The following KAZN variants were observed in gnomAD, a reference collection of about 807,000 sequenced individuals.
KAZN encodes the protein kazrin.
Under a neutral mutation model 87.4 loss-of-function variants are expected in KAZN, and 40 were observed. That is an observed-to-expected ratio of 0.46 (90% CI 0.36 to 0.60). The LOEUF (loss-of-function observed/expected upper bound fraction) is 0.60. Among genes scored for constraint, KAZN ranks in the 20% least tolerant of loss-of-function variants. KAZN has a pLI of 0.00. For synonymous variants in KAZN, 466 were observed against 458.3 expected, an observed-to-expected ratio of 1.02 and a Z score of -0.22; for missense variants, 898 against 1,073.9, an observed-to-expected ratio of 0.84 and a Z score of 2.29.
chr1:15,027,659 C>T (rs1043281176), intron 2 of KAZN, among the ~76,000 whole-genome samples: 11 of 152,238 alleles, frequency 7.2e-5, no homozygotes, highest in Non-Finnish European at 1.6e-4. Flanking sequence ...AGGAACATTG[C>T]ATGGAAAAGA....
intron 1 of KAZN, among the ~76,000 whole-genome samples, chr1:14,801,059 A>C (rs981487517): frequency 2.0e-5 from 3 of 151,962 alleles, no homozygotes; most frequent in Non-Finnish European, 4.4e-5. Flanking sequence ...AAAAAAAAAA[A>C]AAAGAAATAC....
intron 2 of KAZN, among the ~76,000 whole-genome samples, chr1:14,382,232 C>T (rs1661425926): frequency 6.6e-6 from 1 of 152,164 alleles, no homozygotes; most frequent in Admixed American, 6.5e-5. Context: ...AATGTCCATA[C>T]TACCCAATGC....
chr1:14,116,934 T>C (rs1644635841), intron 1 of KAZN, among the ~76,000 whole-genome samples: 1 of 152,242 alleles, frequency 6.6e-6, no homozygotes, highest in African/African-American at 2.4e-5. Context: ...GATTTTGGAC[T>C]TGCATGGAGC....
chr1:13,894,315 G>A (rs1194281851), intron 1 of KAZN, among the ~76,000 whole-genome samples: 2 of 152,064 alleles, frequency 1.3e-5, no homozygotes, highest in African/African-American at 4.8e-5. Flanking sequence ...AATGGCTCAC[G>A]TTTTATACAG....
chr1:14,235,518 T>G (rs1449077211), intron 2 of KAZN, among the ~76,000 whole-genome samples: 1 of 152,178 alleles, frequency 6.6e-6, no homozygotes, highest in African/African-American at 2.4e-5. Flanking sequence ...AAAAAGAAGC[T>G]TCTAAAATGG....
rs540515715 is a variant in KAZN, at chr1:13,933,423, C to T, written c.91+39667C>T. Among the ~76,000 whole-genome samples the T allele has an allele frequency of 2.7e-3, 413 of 152,152 alleles. 2 individuals carry two copies. The highest frequency in any genetic ancestry group is 8.9e-3 in the African/African-American group (369 of 41,508). ...AGGAGAATTGCTTGAACCCGGGAGA[C>T]GGAGGTTGTGGCGAGCCGAGATCAC... On this transcript the variant is annotated intron_variant, in intron 1 of 16. Coordinates refer to the KAZN transcript ENST00000636203.
intron 2 of KAZN, among the ~76,000 whole-genome samples, chr1:14,248,349 T>C (rs1047404883): frequency 1.3e-5 from 2 of 152,216 alleles, no homozygotes; most frequent in African/African-American, 4.8e-5. Flanking sequence ...ACTAAACATA[T>C]ATTTGTTAGC....
chr1:14,089,441 C>T (rs1643924483), intron 1 of KAZN, among the ~76,000 whole-genome samples: 3 of 151,656 alleles, frequency 2.0e-5, no homozygotes, highest in African/African-American at 7.3e-5. Flanking sequence ...GCTTATTAGC[C>T]ATTCATCATT....
intron 2 of KAZN, among the ~76,000 whole-genome samples, chr1:14,525,749 A>G (rs543125620): frequency 6.6e-6 from 1 of 152,372 alleles, no homozygotes; most frequent in South Asian, 2.1e-4. Flanking sequence ...CAATCCATAA[A>G]GAATCAAAAT....
At chr1:14,128,646 G>A (rs1019774730) in intron 1 of KAZN, among the ~76,000 whole-genome samples, 1 of 152,082 alleles carries the variant, frequency 6.6e-6, no homozygotes, top group South Asian at 2.1e-4. Flanking sequence ...ATTTTCTCTT[G>A]AAAGCCCCTA....
intron 2 of KAZN, among the ~76,000 whole-genome samples, chr1:14,984,898 G>A (rs1423870895): frequency 6.6e-6 from 1 of 152,228 alleles, no homozygotes; most frequent in African/African-American, 2.4e-5. Flanking sequence ...AGCACTTTGG[G>A]AGGCCAAGGC....
chr1:14,238,464 C>T lies in KAZN; in HGVS notation c.249+57872C>T, dbSNP rs572860442. On this transcript the variant is annotated intron_variant, in intron 2 of 16. Transcript: ENST00000636203. Reference sequence around the variant, plus strand: ...CCAAGTGAATTCAGTTAACAGGAGTCATTTGGGACTGGGTTGGGTGGGTTA... The same window carrying T: ...CCAAGTGAATTCAGTTAACAGGAGTTATTTGGGACTGGGTTGGGTGGGTTA... 5.9e-5 allele frequency among the ~76,000 whole-genome samples: 9 copies of T among 152,268 alleles called. No homozygotes were observed. The South Asian group carries it at 1.7e-3, about 28-fold the overall frequency.
intron 2 of KAZN, among the ~76,000 whole-genome samples, chr1:14,265,932 T>C (rs563104237): frequency 6.6e-6 from 1 of 152,340 alleles, no homozygotes; most frequent in African/African-American, 2.4e-5. Context: ...CTGCCAAGTG[T>C]TTCAGATTGG....
intron 1 of KAZN, among the ~76,000 whole-genome samples, chr1:14,721,295 A>G (rs1213106387): frequency 1.3e-5 from 2 of 152,190 alleles, no homozygotes; most frequent in Non-Finnish European, 2.9e-5. Flanking sequence ...TGGTTTTATC[A>G]GAGGCTTTTC....
intron 1 of KAZN, among the ~76,000 whole-genome samples, chr1:14,781,072 C>T (rs1190945138): frequency 2.0e-5 from 3 of 152,258 alleles, no homozygotes; most frequent in East Asian, 1.9e-4. Context: ...CCTGTAATCC[C>T]AGCACTTTGG....
intron 8 of KAZN, among the ~76,000 whole-genome samples, chr1:15,083,377 T>G (rs1640098259): frequency 6.6e-6 from 1 of 152,196 alleles, no homozygotes; most frequent in Admixed American, 6.5e-5. Context: ...TGTCCGGCCA[T>G]CACCTCTGGC....
chr1:14,056,178 A>G (rs1642546988), intron 1 of KAZN, among the ~76,000 whole-genome samples: 1 of 152,226 alleles, frequency 6.6e-6, no homozygotes, highest in Admixed American at 6.5e-5. Context: ...ACTGTCCCTC[A>G]AAGATGTCCA....
chr1:14,408,880 AAAG>A (rs992796897), intron 2 of KAZN, among the ~76,000 whole-genome samples: 9 of 151,958 alleles, frequency 5.9e-5, no homozygotes, highest in African/African-American at 1.9e-4. Context: ...CCATGAAAGA[AAAG>A]AAGAGGATGG....
At chr1:14,229,149 G>A (rs971577557) in intron 2 of KAZN, among the ~76,000 whole-genome samples, 3 of 152,184 alleles carry the variant, frequency 2.0e-5, no homozygotes, top group African/African-American at 7.2e-5. Flanking sequence ...AAATAAAATT[G>A]CACCACGAAC....
Sources: allele counts gnomAD v4.1 joint callset (sites outside exome capture counted in the v4.1 genomes callset), GRCh38; gene constraint gnomAD v4.1.1; transcripts MANE v1.5; gene names NCBI Gene and HGNC (gene_info 2026-07-23, HGNC 2026-07-21).